Variants in GPR149 observed in about 807,000 individuals in gnomAD.
The protein encoded by GPR149 is probable G protein-coupled receptor 149.
In GPR149, 50 loss-of-function variants were observed where a neutral mutation model predicts 50.2. The observed-to-expected ratio is 1.00, with a 90% CI of 0.79 to 1.26. The LOEUF (loss-of-function observed/expected upper bound fraction) is 1.26, where lower values mean the gene tolerates loss of function less well. Among genes scored for constraint, GPR149 ranks in the 50% most tolerant of loss-of-function variants. GPR149 has a pLI of 0.00. For missense variants in GPR149, 983 were observed against 895.4 expected (o/e 1.10, Z -1.25); for synonymous variants, 405 against 358.2 (o/e 1.13, Z -1.48).
chr3:154,384,834 G>C (rs752637608), intron 3 of GPR149, among the ~76,000 whole-genome samples: 29 of 152,152 alleles, frequency 1.9e-4, no homozygotes, highest in Non-Finnish European at 3.5e-4. Flanking sequence ...TCTAACATCA[G>C]GATGACCACT....
intron 3 of GPR149, chr3:154,353,521 C>A (rs1002915146): frequency 1.6e-5 from 15 of 915,934 alleles, no homozygotes; most frequent in Non-Finnish European, 2.4e-5. Flanking sequence ...TGCAGATGAT[C>A]TTTGATATGA....
chr3:154,407,721 T>C (rs6778739), intron 3 of GPR149, among the ~76,000 whole-genome samples: 29,674 of 63,184 alleles, frequency 0.47, 4,412 homozygotes, highest in African/African-American at 0.6. Context: ...CACACACACA[T>C]ATATATATAT....
At chr3:154,396,031 A>G (rs1235426728) in intron 3 of GPR149, among the ~76,000 whole-genome samples, 6 of 152,176 alleles carry the variant, frequency 3.9e-5, no homozygotes, top group Admixed American at 1.3e-4. Context: ...CTGAATTCTG[A>G]GATTCTCATT....
intron 3 of GPR149, among the ~76,000 whole-genome samples, chr3:154,383,882 C>T (rs544840288): frequency 1.2e-4 from 18 of 152,128 alleles, no homozygotes; most frequent in South Asian, 4.2e-4. Context: ...TACCATGCGA[C>T]GACACAGTGA....
intron 3 of GPR149, among the ~76,000 whole-genome samples, chr3:154,356,590 A>C (rs1446540961): frequency 1.3e-5 from 2 of 152,320 alleles, no homozygotes; most frequent in East Asian, 1.9e-4. Context: ...AATTGCTTCA[A>C]AGAGAATAAG....
intron 2 of GPR149, among the ~76,000 whole-genome samples, chr3:154,422,645 C>A (rs1325738052): frequency 6.6e-6 from 1 of 151,602 alleles, no homozygotes; most frequent in Non-Finnish European, 1.5e-5. Context: ...ATTTATAAAC[C>A]AATTCTGTTG....
At chr3:154,343,341 A>G (rs1250783329) in intron 3 of GPR149, among the ~76,000 whole-genome samples, 1 of 152,126 alleles carries the variant, frequency 6.6e-6, no homozygotes, top group Non-Finnish European at 1.5e-5. Flanking sequence ...CGGTATTTCT[A>G]TATTTCTAAA....
At chr3:154,378,209 A>C (rs1405028242) in intron 3 of GPR149, among the ~76,000 whole-genome samples, 2 of 150,760 alleles carry the variant, frequency 1.3e-5, no homozygotes, top group African/African-American at 4.9e-5. Flanking sequence ...CAGCCACTGG[A>C]GTAGCTGGGA....
At chr3:154,355,874 T>G (rs1014919003) in intron 3 of GPR149, among the ~76,000 whole-genome samples, 1 of 152,232 alleles carries the variant, frequency 6.6e-6, no homozygotes, top group Admixed American at 6.5e-5. Flanking sequence ...ATAAATACAA[T>G]GTTTTTGTAA....
chr3:154,367,958 G>A (rs745370192), intron 3 of GPR149, among the ~76,000 whole-genome samples: 4 of 152,294 alleles, frequency 2.6e-5, no homozygotes, highest in South Asian at 2.1e-4. Context: ...CGATTAGCGC[G>A]GCCGCCGGAC....
intron 3 of GPR149, chr3:154,353,582 G>A: frequency 9.1e-7 from 1 of 1,100,000 alleles, no homozygotes; most frequent in Non-Finnish European, 1.4e-6. Context: ...GATTAATTTG[G>A]CTTTGATATG....
At chr3:154,341,158 A>T (rs1713783580) in intron 3 of GPR149, among the ~76,000 whole-genome samples, 1 of 151,586 alleles carries the variant, frequency 6.6e-6, no homozygotes, top group Non-Finnish European at 1.5e-5. Flanking sequence ...TGCCTAACTT[A>T]GATGGGGTGA....
chr3:154,408,129 C>T (rs929774231), intron 3 of GPR149, among the ~76,000 whole-genome samples: 6 of 152,118 alleles, frequency 3.9e-5, no homozygotes, highest in South Asian at 2.1e-4. Context: ...GAAGAGATAG[C>T]TTTTCCTTAC....
At chr3:154,347,213 A>C (rs915864698) in intron 3 of GPR149, among the ~76,000 whole-genome samples, 1 of 152,204 alleles carries the variant, frequency 6.6e-6, no homozygotes, top group Non-Finnish European at 1.5e-5. Flanking sequence ...GCTGGTTCCC[A>C]TGCTGCTAAT....
chr3:154,413,218 A>G (rs963375189), intron 3 of GPR149, among the ~76,000 whole-genome samples: 1 of 152,112 alleles, frequency 6.6e-6, no homozygotes, highest in Non-Finnish European at 1.5e-5. Flanking sequence ...AAAATTGGCA[A>G]AACCCTTCTA....
intron 3 of GPR149, among the ~76,000 whole-genome samples, chr3:154,374,208 T>C (rs1202155567): frequency 1.3e-5 from 2 of 150,186 alleles, no homozygotes; most frequent in Admixed American, 6.6e-5. Context: ...CTTTCTGTTT[T>C]CTGTTGCCCA....
In GPR149 at chr3:154,385,768, C is replaced by G. The variant is rs528407665; in HGVS notation, c.1623+35271G>C. ...CCAGGCTGGAGTGCAGTGGCGCCATCTTGGCTCATTGCAAGCTCCACCTTC... is the reference window on the plus strand; with the variant it reads ...CCAGGCTGGAGTGCAGTGGCGCCATGTTGGCTCATTGCAAGCTCCACCTTC... On this transcript the variant is annotated intron_variant, in intron 3 of 3. Coordinates refer to ENST00000389740, the MANE Select transcript of GPR149 (RefSeq NM_001038705.3). Among the ~76,000 whole-genome samples, 20 of 148,666 alleles carry G rather than the reference C, an allele frequency of 1.3e-4. No individual in the cohort carries two copies. In the South Asian group the frequency reaches 4.2e-3, roughly 31 times the overall value.
intron 3 of GPR149, among the ~76,000 whole-genome samples, chr3:154,399,977 T>G (rs1046110267): frequency 6.6e-6 from 1 of 152,138 alleles, no homozygotes; most frequent in East Asian, 1.9e-4. Context: ...ATAATTGTAT[T>G]TGAAATTATT....
Position 154,429,747 on chromosome 3 carries a change from G to A in GPR149, c.-132C>T. 5 of 737,760 alleles carry A rather than the reference G, an allele frequency of 6.8e-6. 1 individual carries two copies. Among genetic ancestry groups the A allele is most frequent in the South Asian group, 3.6e-5 (2 of 55,378 alleles). 45.7% of individuals were successfully genotyped at this position (737,760 alleles called of 1,614,324 possible). A position where few individuals can be genotyped will look rare whatever the true frequency, so the allele number is the denominator to read the frequency against. ...TCTAGATGTTCTCCTTGTCAGTCCT[G>A]CAGAAAATGGTCAGCCATGTCTCCT... On this transcript the variant is annotated 5_prime_UTR_variant, in exon 1 of 4. An upstream open reading frame in the 5' UTR gains an earlier in-frame stop. Transcript: ENST00000389740.
Sources: gnomAD v4.1 joint callset for allele counts (sites outside exome capture counted in the v4.1 genomes callset) on GRCh38, gnomAD v4.1.1 for gene constraint, MANE v1.5 for transcripts, NCBI Gene and HGNC (gene_info 2026-07-23, HGNC 2026-07-21) for gene names.